The following EBF4 variants were observed in gnomAD, a reference collection of about 807,000 sequenced individuals.
EBF4 encodes the protein EBF transcription factor 4.
Under a neutral mutation model 67.1 loss-of-function variants are expected in EBF4, and 34 were observed. The ratio of observed to expected loss-of-function variants is 0.51; its 90% CI spans 0.39 to 0.67. The LOEUF (loss-of-function observed/expected upper bound fraction) is 0.67. Ranked by LOEUF, EBF4 falls within the 30% of genes least tolerant of loss-of-function variation. The pLI, the probability that EBF4 is intolerant of heterozygous loss-of-function variation, is 0.00. For missense variants in EBF4, 837 were observed against 873.3 expected, an observed-to-expected ratio of 0.96 and a Z score of 0.52; for synonymous variants, 387 against 377.7, an observed-to-expected ratio of 1.02 and a Z score of -0.29.
exon 16 of EBF4, chr20:2,758,983 C>T (rs557533992): frequency 3.9e-6 from 6 of 1,551,596 alleles, no homozygotes; most frequent in South Asian, 1.2e-5. Flanking sequence ...CTCCTAATTA[C>T]GGTAGGTCTC....
intron 6 of EBF4, 107 bp downstream of exon 6, chr20:2,709,749 C>G (rs948817834): frequency 8.5e-7 from 1 of 1,174,170 alleles, no homozygotes; most frequent in Non-Finnish European, 1.1e-6. Context: ...AGCAGCCCCC[C>G]CGGGGCACCA....
chr20:2,755,613 G>GCCCCGC lies in EBF4; in HGVS notation c.1541-10_1541-5dup. 2.2e-6 allele frequency: 1 copy of GCCCCGC among 463,138 alleles called. No individual in the cohort carries two copies. The highest frequency in any genetic ancestry group is 3.5e-5 in the Admixed American group (1 of 28,748). 28.7% of individuals were successfully genotyped at this position (463,138 alleles called of 1,614,324 possible). A position where few individuals can be genotyped will look rare whatever the true frequency, so the allele number is the denominator to read the frequency against. ...TTCCCTGCTGCGCCTGCCCCTCCCC[G>GCCCCGC]CCCCGCCCCGGAGTCATGCCCTCTA... On this transcript the variant is annotated splice_polypyrimidine_tract_variant and intron_variant, in intron 14 of 16. Coordinates refer to ENST00000609451, the Ensembl canonical transcript of EBF4. This position sits in a 1 kb window ranked among gnomAD's most constrained non-coding sequence, Gnocchi z 4.7.
exon 9 of EBF4, chr20:2,749,673 G>T (rs1160047981): frequency 3.8e-6 from 6 of 1,567,618 alleles, no homozygotes; most frequent in Non-Finnish European, 5.2e-6. Context: ...GACCACGGGC[G>T]GCGCCACCGT....
Position 2,751,612 on chromosome 20 carries a change from C to A in EBF4, c.1019-88C>A. The A allele has an allele frequency of 7.3e-7, 1 of 1,368,028 alleles. No homozygotes were observed. Among genetic ancestry groups the A allele is most frequent in the Non-Finnish European group, 1.0e-6 (1 of 985,106 alleles). The allele number at this position is 1,368,028 out of a possible 1,614,324, so 84.7% of individuals were successfully genotyped here. Reference sequence around the variant, plus strand: ...GCTGCAGCGAGGCTCTCGGACTGGGCGCTGGCCTGCTTTTGGCGCCCTGCG... The same window carrying A: ...GCTGCAGCGAGGCTCTCGGACTGGGAGCTGGCCTGCTTTTGGCGCCCTGCG... On this transcript the variant is annotated intron_variant, in intron 10 of 16. Coordinates refer to ENST00000609451, the Ensembl canonical transcript of EBF4. The surrounding 1 kb of genome is among the most constrained non-coding windows in gnomAD (Gnocchi z 5.2).
intron 6 of EBF4, among the ~76,000 whole-genome samples, chr20:2,724,697 G>C (rs2087726053): frequency 6.6e-6 from 1 of 152,162 alleles, no homozygotes; most frequent in African/African-American, 2.4e-5. Flanking sequence ...CTGAGCCCAG[G>C]AGTTTGAGAC....
At chr20:2,711,148 A>AAATAATAATAAT (rs144765250) in intron 6 of EBF4, among the ~76,000 whole-genome samples, 111 of 146,834 alleles carry the variant, frequency 7.6e-4, no homozygotes, top group African/African-American at 2.5e-3. Flanking sequence ...ACCCTGTCTA[A>AAATAATAATAAT]AATAATAATA....
intron 1 of EBF4, among the ~76,000 whole-genome samples, chr20:2,701,049 T>A (rs1174977296): frequency 6.6e-6 from 1 of 152,166 alleles, no homozygotes; most frequent in Non-Finnish European, 1.5e-5. Flanking sequence ...CACTCTGCAG[T>A]CCTCCTCTGG....
chr20:2,754,979 C>CCCCCCCCCG (rs1555789843), intron 14 of EBF4: 1 of 123,930 alleles, frequency 8.1e-6, no homozygotes, highest in Non-Finnish European at 1.8e-5. Flanking sequence ...CACCCCCCCC[C>CCCCCCCCCG]ACAGGGCCCA....
intron 6 of EBF4, among the ~76,000 whole-genome samples, chr20:2,712,616 C>T (rs1201319891): frequency 1.3e-5 from 2 of 152,050 alleles, no homozygotes; most frequent in Non-Finnish European, 2.9e-5. Flanking sequence ...GGATGGGACT[C>T]AAGAGAAAGG....
intron 6 of EBF4, among the ~76,000 whole-genome samples, chr20:2,716,050 TA>T (rs201310562): frequency 0.035 from 5,260 of 151,506 alleles, 315 homozygotes; most frequent in African/African-American, 0.12. Context: ...CGCCCGGCCT[TA>T]CTCTGTATTT....
chr20:2,759,127 C>G, intron 16 of EBF4, 141 bp from the exon 17 acceptor site: 1 of 798,088 alleles, frequency 1.3e-6, no homozygotes, highest in Non-Finnish European at 2.0e-6. Flanking sequence ...TCTTCCTCCC[C>G]GGGGCCCATC....
At chr20:2,728,499 G>A (rs920631057) in intron 6 of EBF4, among the ~76,000 whole-genome samples, 26 of 152,272 alleles carry the variant, frequency 1.7e-4, no homozygotes, top group Admixed American at 1.5e-3. Flanking sequence ...CATGGTTGAG[G>A]TGGCTGAAGG....
intron 6 of EBF4, among the ~76,000 whole-genome samples, chr20:2,728,814 C>T (rs2087776796): frequency 6.6e-6 from 1 of 151,906 alleles, no homozygotes. Context: ...ACACAGTTTC[C>T]AGTCCTGGAA....
intron 6 of EBF4, among the ~76,000 whole-genome samples, chr20:2,728,793 A>AT (rs952108614): frequency 1.8e-4 from 27 of 148,002 alleles, no homozygotes; most frequent in South Asian, 4.3e-4. Flanking sequence ...GGAAAATTCC[A>AT]TTTTTTTTTT....
In EBF4 at chr20:2,743,060, C is replaced by T. The variant is rs189288251; in HGVS notation, c.558-5489C>T. Reference sequence around the variant, plus strand: ...GCCCACCAGGTCTCTCACTCTCCCCCAGTCCCCAGCCCCCACATCTGGCCT... The same window carrying T: ...GCCCACCAGGTCTCTCACTCTCCCCTAGTCCCCAGCCCCCACATCTGGCCT... On this transcript the variant is annotated intron_variant, in intron 6 of 16. Transcript: ENST00000609451. Among the ~76,000 whole-genome samples, 1,067 of 152,310 alleles carry T rather than the reference C, an allele frequency of 7.0e-3. 25 individuals carry two copies. The highest frequency in any genetic ancestry group is 0.024 in the African/African-American group (1,017 of 41,568).
In EBF4 at chr20:2,755,498, C is replaced by T; in HGVS notation, c.1541-129C>T. On this transcript the variant is annotated intron_variant, in intron 14 of 16. Transcript: ENST00000609451. The surrounding 1 kb of genome is among the most constrained non-coding windows in gnomAD (Gnocchi z 4.7). The stretch of plus-strand genomic sequence containing the variant: ...GGACCCTCACAGCTCCCAGTGAGAT[C>T]TGAGCCTGGTACCTGTGTCAGCAGC... The T allele has an allele frequency of 1.6e-6, 1 of 637,094 alleles. No individual in the cohort carries two copies. Among genetic ancestry groups the T allele is most frequent in the South Asian group, 1.8e-5 (1 of 55,798 alleles). 39.5% of individuals were successfully genotyped at this position (637,094 alleles called of 1,614,324 possible).
At position 2,756,505 on chromosome 20, in the gene EBF4, G is replaced by A. The variant is rs2088245570; in HGVS notation, c.1738+681G>A. Among the ~76,000 whole-genome samples, 1 of 152,190 alleles carries A rather than the reference G, an allele frequency of 6.6e-6. No individual in the cohort carries two copies. Among genetic ancestry groups the A allele is most frequent in the Admixed American group, 6.5e-5 (1 of 15,282 alleles). ...ACAGGATGTGGGTGGGGCAGAACAG[G>A]TCCTTGTTGATGGGGATGGTGGGGG... On this transcript the variant is annotated intron_variant, in intron 15 of 16. Transcript: ENST00000609451. This position sits in a 1 kb window ranked among gnomAD's most constrained non-coding sequence, Gnocchi z 4.5.
chr20:2,736,537 G>A (rs563825812), intron 6 of EBF4, among the ~76,000 whole-genome samples: 32 of 152,200 alleles, frequency 2.1e-4, no homozygotes, highest in African/African-American at 6.3e-4. Context: ...CTCCTTCCAC[G>A]CTTTCCAGCA....
rs747736742 is a variant in EBF4 at position 2,719,845 on chromosome 20, G to T, written c.557+10203G>T. On this transcript the variant is annotated intron_variant, in intron 6 of 16. Coordinates refer to ENST00000609451, the Ensembl canonical transcript of EBF4. ...GTTGGTAAATATTTTGCCTGCGCTT[G>T]TGAAGAATGTTTATTCTGTTGTTAT... Among the ~76,000 whole-genome samples, 9 of 152,328 alleles carry T rather than the reference G, an allele frequency of 5.9e-5. No homozygotes were observed. The Middle Eastern group carries it at 0.017, about 288-fold the overall frequency.
Sources: allele counts gnomAD v4.1 joint callset (sites outside exome capture counted in the v4.1 genomes callset), GRCh38; gene constraint gnomAD v4.1.1; non-coding constraint Gnocchi (gnomAD v3.1); transcripts MANE v1.5; gene names NCBI Gene and HGNC (gene_info 2026-07-23, HGNC 2026-07-21).